The following DCC variants were observed in gnomAD, a reference collection of about 807,000 sequenced individuals.
DCC encodes the protein netrin receptor DCC.
A neutral mutation model predicts 172.5 loss-of-function variants in DCC; 58 were observed. That is an observed-to-expected ratio of 0.34 (90% CI 0.27 to 0.42). DCC has a LOEUF of 0.42. Among genes scored for constraint, DCC ranks in the 10% least tolerant of loss-of-function variants. The pLI is 1.00. For missense variants in DCC, 1,740 were observed against 1,791.0 expected, an observed-to-expected ratio of 0.97 and a Z score of 0.51; for synonymous variants, 709 against 644.5, an observed-to-expected ratio of 1.10 and a Z score of -1.52.
chr18:52,962,676 T>C (rs373922739), intron 5 of DCC, among the ~76,000 whole-genome samples: 8,980 of 150,324 alleles, frequency 0.06, 323 homozygotes, highest in South Asian at 0.13. Flanking sequence ...TGCGGCACTA[T>C]TCACAGTAGC....
chr18:53,534,576 G>A lies in DCC; in HGVS notation c.*3923G>A, dbSNP rs568841762. ...GACTTTCAGAAATCACTTTAGTATT[G>A]TACAGAAAAGCTTTTTATTTGAGTC... On this transcript the variant is annotated 3_prime_UTR_variant, in exon 29 of 29. Coordinates refer to ENST00000442544, the MANE Select transcript of DCC (RefSeq NM_005215.4). 3 of 152,248 alleles carry A rather than the reference G, an allele frequency of 2.0e-5. No homozygotes were observed. The highest frequency in any genetic ancestry group is 1.9e-4 in the East Asian group (1 of 5,180). The allele number at this position is 152,248 out of a possible 1,614,324, so 9.4% of individuals were successfully genotyped here.
intron 5 of DCC, among the ~76,000 whole-genome samples, chr18:53,024,818 T>C (rs943166823): frequency 6.6e-6 from 1 of 152,166 alleles, no homozygotes; most frequent in Non-Finnish European, 1.5e-5. Flanking sequence ...TCTTAATAGA[T>C]ATAAATTATG....
chr18:53,490,028 G>A (rs994158219), intron 26 of DCC, among the ~76,000 whole-genome samples: 2 of 152,150 alleles, frequency 1.3e-5, no homozygotes, highest in Non-Finnish European at 2.9e-5. Context: ...GGTGGTAGAG[G>A]AGCAGTTTAA....
chr18:53,025,691 A>G (rs888042177), intron 5 of DCC, among the ~76,000 whole-genome samples: 5 of 151,956 alleles, frequency 3.3e-5, no homozygotes, highest in African/African-American at 1.2e-4. Context: ...GGAAATGAAA[A>G]CCATACTACT....
intron 1 of DCC, among the ~76,000 whole-genome samples, chr18:52,568,788 T>C (rs2033225168): frequency 6.6e-6 from 1 of 152,158 alleles, no homozygotes. Context: ...GTGTGGTCTC[T>C]GCAACTATAG....
chr18:53,269,840 T>C (rs973562101), intron 12 of DCC, among the ~76,000 whole-genome samples: 1 of 152,180 alleles, frequency 6.6e-6, no homozygotes, highest in African/African-American at 2.4e-5. Context: ...GATTATATGA[T>C]ATCTCTCCGA....
At chr18:53,139,216 T>G (rs1276885071) in intron 7 of DCC, among the ~76,000 whole-genome samples, 1 of 152,162 alleles carries the variant, frequency 6.6e-6, no homozygotes, top group Non-Finnish European at 1.5e-5. Context: ...TGTTTGTGAC[T>G]TTTTCCGGAC....
intron 1 of DCC, among the ~76,000 whole-genome samples, chr18:52,413,795 TG>T (rs1986922665): frequency 5.9e-5 from 9 of 152,110 alleles, no homozygotes; most frequent in Admixed American, 3.9e-4. Flanking sequence ...GATGAGACTC[TG>T]AGAGAAATGT....
At chr18:52,435,107 T>C (rs941868607) in intron 1 of DCC, among the ~76,000 whole-genome samples, 8 of 152,246 alleles carry the variant, frequency 5.3e-5, no homozygotes, top group African/African-American at 1.4e-4. Flanking sequence ...CCTCACATTC[T>C]GGCCCAAAGA....
At chr18:52,977,189 T>C (rs1285262719) in intron 5 of DCC, among the ~76,000 whole-genome samples, 3 of 152,156 alleles carry the variant, frequency 2.0e-5, no homozygotes, top group Non-Finnish European at 2.9e-5. Context: ...TCATTTTTGC[T>C]GGGAAAAATA....
chr18:52,516,735 T>A (rs2031656246), intron 1 of DCC, among the ~76,000 whole-genome samples: 1 of 152,202 alleles, frequency 6.6e-6, no homozygotes, highest in African/African-American at 2.4e-5. Context: ...GTTCAAATAG[T>A]CTTCTTAATA....
chr18:52,899,538 A>G (rs1158960812), intron 2 of DCC, among the ~76,000 whole-genome samples: 1 of 151,890 alleles, frequency 6.6e-6, no homozygotes, highest in African/African-American at 2.4e-5. Flanking sequence ...TATTTTTGAT[A>G]GAGACGGGGT....
intron 1 of DCC, among the ~76,000 whole-genome samples, chr18:52,574,830 G>A (rs2144765095): frequency 6.6e-6 from 1 of 152,256 alleles, no homozygotes; most frequent in East Asian, 1.9e-4. Flanking sequence ...TAACAAAGGT[G>A]AGTTGACTGT....
At chr18:53,321,715 T>A (rs555724123) in intron 13 of DCC, among the ~76,000 whole-genome samples, 42 of 152,202 alleles carry the variant, frequency 2.8e-4, no homozygotes, top group Non-Finnish European at 4.7e-4. Flanking sequence ...TTTATAGACG[T>A]GGATCTTCTG....
At chr18:53,311,883 C>A (rs1054023022) in intron 13 of DCC, among the ~76,000 whole-genome samples, 8 of 152,116 alleles carry the variant, frequency 5.3e-5, no homozygotes, top group Non-Finnish European at 7.4e-5. Context: ...AACCTATATT[C>A]TTACCTCTTA....
At chr18:52,747,894 T>C (rs1426380735) in intron 1 of DCC, among the ~76,000 whole-genome samples, 3 of 152,214 alleles carry the variant, frequency 2.0e-5, no homozygotes, top group Non-Finnish European at 4.4e-5. Context: ...TAGCCTTGCC[T>C]AATGACACGG....
At position 52,921,676 on chromosome 18, in the gene DCC, G is replaced by C. The variant is rs998781806; in HGVS notation, c.698-2031G>C. On this transcript the variant is annotated intron_variant, in intron 3 of 28. Coordinates refer to ENST00000442544, the MANE Select transcript of DCC (RefSeq NM_005215.4). ...ATGGCGCCACTGCACTCCAGCCTGG[G>C]TGACAGAGAGGCTCCATCTCAAAAA... Among the ~76,000 whole-genome samples, 3 of 149,838 alleles carry C rather than the reference G, an allele frequency of 2.0e-5. No individual in the cohort carries two copies. The Admixed American group carries it at 2.0e-4, about 10-fold the overall frequency.
At chr18:53,359,016 AAGAT>A (rs1434453710) in intron 15 of DCC, among the ~76,000 whole-genome samples, 1 of 151,972 alleles carries the variant, frequency 6.6e-6, no homozygotes, top group Admixed American at 6.6e-5. Flanking sequence ...TTTTGACTTA[AAGAT>A]AAAGTAAGAT....
chr18:52,373,580 G>T (rs754137022), intron 1 of DCC, among the ~76,000 whole-genome samples: 1 of 152,152 alleles, frequency 6.6e-6, no homozygotes, highest in Non-Finnish European at 1.5e-5. Context: ...TGTACATTGT[G>T]GGGGTGGGTG....
Sources: gnomAD v4.1 joint callset for allele counts (sites outside exome capture counted in the v4.1 genomes callset) on GRCh38, gnomAD v4.1.1 for gene constraint, MANE v1.5 for transcripts, NCBI Gene and HGNC (gene_info 2026-07-23, HGNC 2026-07-21) for gene names.